PCDHGB5: variants seen among roughly 807,000 people sequenced by gnomAD.
PCDHGB5 encodes protocadherin gamma-B5.
Under a neutral mutation model 62.9 loss-of-function variants are expected in PCDHGB5, and 48 were observed. The ratio of observed to expected loss-of-function variants is 0.76; its 90% CI spans 0.61 to 0.97. The LOEUF (loss-of-function observed/expected upper bound fraction) is 0.97, where lower values mean the gene tolerates loss of function less well. Among genes scored for constraint, PCDHGB5 ranks in the 50% least tolerant of loss-of-function variants. PCDHGB5 has a pLI of 0.00. For synonymous variants in PCDHGB5, 474 were observed against 511.2 expected, an observed-to-expected ratio of 0.93 and a Z score of 0.98; for missense variants, 1,118 against 1,198.6, an observed-to-expected ratio of 0.93 and a Z score of 0.99.
chr5:141,486,361 C>T lies in PCDHGB5; in HGVS notation c.2398-8446C>T. 1.2e-6 allele frequency: 2 copies of T among 1,614,086 alleles called. No individual in the cohort carries two copies. The highest frequency in any genetic ancestry group is 1.7e-6 in the Non-Finnish European group (2 of 1,179,994). On this transcript the variant is annotated intron_variant, in intron 1 of 3. Coordinates refer to ENST00000617380, the MANE Select transcript of PCDHGB5 (RefSeq NM_018925.3). This position sits in a 1 kb window ranked among gnomAD's most constrained non-coding sequence, Gnocchi z 5.0. ...GCATTCCTGACCACTTGCCATTTGCCCTCAAGTCTGCCTTCAGGAACCAGT... is the reference window on the plus strand; with the variant it reads ...GCATTCCTGACCACTTGCCATTTGCTCTCAAGTCTGCCTTCAGGAACCAGT...
rs749499883 is a variant in PCDHGB5 at position 141,486,382 on chromosome 5, C to T, written c.2398-8425C>T. ...TTGCCCTCAAGTCTGCCTTCAGGAA[C>T]CAGTTCTCCCTGGTGACTGCTGGAC... is the stretch of plus-strand genomic sequence containing the variant. On this transcript the variant is annotated intron_variant, in intron 1 of 3. Transcript: ENST00000617380. The surrounding 1 kb of genome is among the most constrained non-coding windows in gnomAD (Gnocchi z 5.0). 25 of 1,613,986 alleles carry T rather than the reference C, an allele frequency of 1.5e-5. No homozygotes were observed. The highest frequency in any genetic ancestry group is 1.9e-5 in the Non-Finnish European group (23 of 1,179,998).
At chr5:141,433,031 T>G (rs2097561851) in intron 1 of PCDHGB5, 2 of 1,614,088 alleles carry the variant, frequency 1.2e-6, no homozygotes, top group Non-Finnish European at 8.5e-7. Flanking sequence ...CCACGAGGTT[T>G]CCCTCACCAC....
intron 1 of PCDHGB5, chr5:141,416,766 T>C (rs906070451): frequency 2.0e-5 from 3 of 152,212 alleles, no homozygotes; most frequent in African/African-American, 7.2e-5. Context: ...GATCTCTTAA[T>C]TTTATTACTA....
chr5:141,433,837 C>CAAAAAAAAA (rs56191208), intron 1 of PCDHGB5, among the ~76,000 whole-genome samples: 1 of 111,704 alleles, frequency 9.0e-6, no homozygotes, highest in Non-Finnish European at 1.9e-5. Flanking sequence ...AACTCTATCT[C>CAAAAAAAAA]AAAAAAAAAA....
At position 141,409,627 on chromosome 5, in the gene PCDHGB5, C is replaced by A. The variant is rs761778894; in HGVS notation, c.2397+9103C>A. ...CAGGAGCCTCCATTGCGCAAGTGAG[C>A]GCCTCTGACCCGGATTTGGGGCTCA... On this transcript the variant is annotated intron_variant, in intron 1 of 3. Coordinates refer to ENST00000617380, the MANE Select transcript of PCDHGB5 (RefSeq NM_018925.3). 5.0e-5 allele frequency: 80 copies of A among 1,613,716 alleles called. No individual in the cohort carries two copies. The Admixed American group carries it at 1.2e-3, about 24-fold the overall frequency.
chr5:141,427,825 C>A (rs1342117815), intron 1 of PCDHGB5: 1 of 1,536,464 alleles, frequency 6.5e-7, no homozygotes, highest in Non-Finnish European at 8.9e-7. Flanking sequence ...GTGGTGGTCG[C>A]GCAGCGTGCC....
At chr5:141,457,167 C>T (rs1465212183) in intron 1 of PCDHGB5, among the ~76,000 whole-genome samples, 1 of 152,114 alleles carries the variant, frequency 6.6e-6, no homozygotes, top group East Asian at 1.9e-4. Context: ...CATGGATAAC[C>T]CTATTGCAAA....
intron 1 of PCDHGB5, among the ~76,000 whole-genome samples, chr5:141,483,057 C>T (rs1329609397): frequency 6.6e-6 from 1 of 152,028 alleles, no homozygotes; most frequent in African/African-American, 2.4e-5. Flanking sequence ...TGCACTCCAG[C>T]ATGGGCAACA....
At chr5:141,472,453 T>C (rs2099281194) in intron 1 of PCDHGB5, among the ~76,000 whole-genome samples, 1 of 151,726 alleles carries the variant, frequency 6.6e-6, no homozygotes, top group African/African-American at 2.4e-5. Flanking sequence ...GGCAGGAGAA[T>C]CGCTTGAACC....
intron 1 of PCDHGB5, chr5:141,415,379 G>T: frequency 3.7e-6 from 6 of 1,614,250 alleles, no homozygotes; most frequent in Non-Finnish European, 3.4e-6. Flanking sequence ...TCAGGAGGCG[G>T]CTTGACAGGT....
intron 1 of PCDHGB5, among the ~76,000 whole-genome samples, chr5:141,474,102 AAAC>A (rs909174523): frequency 2.6e-4 from 40 of 152,286 alleles, no homozygotes; most frequent in African/African-American, 8.7e-4. Flanking sequence ...ACAACAACAA[AAAC>A]AACAACAACG....
chr5:141,419,741 A>C (rs769795920), intron 1 of PCDHGB5: 2 of 1,613,856 alleles, frequency 1.2e-6, no homozygotes, highest in Admixed American at 1.7e-5. Context: ...CGAGGTGCGC[A>C]TGGTGCGTGC....
intron 1 of PCDHGB5, among the ~76,000 whole-genome samples, chr5:141,446,961 GA>G (rs1466390366): frequency 2.0e-5 from 3 of 152,070 alleles, no homozygotes; most frequent in Admixed American, 1.3e-4. Context: ...AGCACCCAGG[GA>G]AATTTGCTGT....
chr5:141,441,697 C>A (rs1415018255), intron 1 of PCDHGB5: 4 of 307,190 alleles, frequency 1.3e-5, no homozygotes, highest in Non-Finnish European at 1.3e-5. Flanking sequence ...CAGCCGCGAG[C>A]CTTCAAGCTC....
At chr5:141,408,280 C>T in intron 1 of PCDHGB5, 1 of 1,612,648 alleles carries the variant, frequency 6.2e-7, no homozygotes, top group Non-Finnish European at 8.5e-7. Flanking sequence ...CTTTGTTCTA[C>T]CCCACCCTGA....
chr5:141,413,588 A>G, intron 1 of PCDHGB5: 1 of 1,613,922 alleles, frequency 6.2e-7, no homozygotes, highest in Non-Finnish European at 8.5e-7. Context: ...CCAAAATTCC[A>G]AGCAGAAAAT....
Position 141,419,305 on chromosome 5 carries a change from G to A in PCDHGB5, c.2397+18781G>A, listed in dbSNP as rs778360128. ...TCAGTGCCTCTGACCCAGACTTCGGGCTCAACGGCCGTGTCTCCTACTCTC... is the reference window on the plus strand; with the variant it reads ...TCAGTGCCTCTGACCCAGACTTCGGACTCAACGGCCGTGTCTCCTACTCTC... On this transcript the variant is annotated intron_variant, in intron 1 of 3. Transcript: ENST00000617380. The A allele has an allele frequency of 3.1e-6, 5 of 1,613,906 alleles. No individual in the cohort carries two copies. The East Asian group carries it at 1.1e-4, about 36-fold the overall frequency.
chr5:141,399,779 G>T lies in PCDHGB5; in HGVS notation c.1652G>T (p.Arg551Leu). The change falls in exon 1 of 4, where the codon CGA becomes CTA. Residue 551 changes from arginine to leucine, a missense_variant. By Grantham distance (102) the Arg-to-Leu change is moderately radical. Transcript: ENST00000617380. ...NVSLRVLVGD[R>L]NDNAPRVLYP... Reference sequence around the variant, plus strand: ...AGCCTGCGCGTGTTGGTGGGCGACCGAAACGACAACGCACCGCGGGTGCTG... The same window carrying T: ...AGCCTGCGCGTGTTGGTGGGCGACCTAAACGACAACGCACCGCGGGTGCTG... The T allele has an allele frequency of 1.2e-6, 2 of 1,613,282 alleles. No individual in the cohort carries two copies. Among genetic ancestry groups the T allele is most frequent in the South Asian group, 1.1e-5 (1 of 91,052 alleles).
At chr5:141,417,456 G>A (rs1354162154) in intron 1 of PCDHGB5, 1 of 177,626 alleles carries the variant, frequency 5.6e-6, no homozygotes, top group Non-Finnish European at 1.2e-5. Context: ...TTATGACCAA[G>A]TGGAAATATA....
Sources: gnomAD v4.1 joint callset for allele counts (sites outside exome capture counted in the v4.1 genomes callset) on GRCh38, gnomAD v4.1.1 for gene constraint, Gnocchi (gnomAD v3.1) non-coding constraint, MANE v1.5 for transcripts, NCBI Gene and HGNC (gene_info 2026-07-23, HGNC 2026-07-21) for gene names.